USH2A: variants seen among roughly 807,000 people sequenced by gnomAD.
USH2A encodes the protein usherin.
USH2A carries 443 observed loss-of-function variants against 538.9 expected under a neutral mutation model. That is an observed-to-expected ratio of 0.82 (90% confidence interval 0.76 to 0.89). The LOEUF is 0.89. USH2A is among the 40% of genes least tolerant of loss of function. USH2A has a pLI of 0.00. For missense variants in USH2A, 6,633 were observed against 6,324.8 expected, an observed-to-expected ratio of 1.05 and a Z score of -1.65; for synonymous variants, 2,413 against 2,273.5, an observed-to-expected ratio of 1.06 and a Z score of -1.75.
chr1:216,230,347 A>T (rs975121733), intron 14 of USH2A, among the ~76,000 whole-genome samples: 1 of 152,144 alleles, frequency 6.6e-6, no homozygotes, highest in East Asian at 1.9e-4. Context: ...TTACTGTACC[A>T]TGCGCTTTGT....
At chr1:216,377,872 A>T (rs1020978340) in intron 3 of USH2A, among the ~76,000 whole-genome samples, 2 of 145,820 alleles carry the variant, frequency 1.4e-5, no homozygotes, top group Admixed American at 1.4e-4. Flanking sequence ...AGAAAGAAGG[A>T]AAGAAAGAAA....
At chr1:215,818,669 G>A (rs981937138) in intron 47 of USH2A, among the ~76,000 whole-genome samples, 3 of 151,750 alleles carry the variant, frequency 2.0e-5, no homozygotes, top group Non-Finnish European at 4.4e-5. Flanking sequence ...TTCATTTGCT[G>A]TAGCAAATGA....
intron 21 of USH2A, among the ~76,000 whole-genome samples, chr1:216,121,765 G>A (rs558798768): frequency 6.6e-6 from 1 of 152,262 alleles, no homozygotes; most frequent in South Asian, 2.1e-4. Context: ...TGAACAATCA[G>A]TTAGACTATT....
chr1:216,081,586 T>C (rs1415059666), intron 26 of USH2A, among the ~76,000 whole-genome samples: 1 of 151,894 alleles, frequency 6.6e-6, no homozygotes, highest in Non-Finnish European at 1.5e-5. Flanking sequence ...TATCTAAGTG[T>C]ATTGATTTTT....
At chr1:215,662,277 G>C (rs963997524) in intron 64 of USH2A, among the ~76,000 whole-genome samples, 1 of 152,194 alleles carries the variant, frequency 6.6e-6, no homozygotes, top group African/African-American at 2.4e-5. Context: ...CAGTTGAAGA[G>C]CATCTGTTGT....
chr1:216,327,712 A>T, intron 4 of USH2A, 58 bp from the exon 5 acceptor site: 4 of 1,574,760 alleles, frequency 2.5e-6, no homozygotes, highest in Non-Finnish European at 3.5e-6. Flanking sequence ...GCAATACCTG[A>T]CAAGTATTTA....
At chr1:216,052,694 G>A (rs1227617055) in intron 30 of USH2A, among the ~76,000 whole-genome samples, 1 of 152,146 alleles carries the variant, frequency 6.6e-6, no homozygotes, top group Non-Finnish European at 1.5e-5. Flanking sequence ...AAGGGCAAGG[G>A]GCTGGTCAAA....
rs878870284 is a variant in USH2A, at chr1:215,743,386, A to ATATGTGTG, written c.11390-52_11390-51insCACACATA. ...ACATTAAAAACATATATATATATAT[A>ATATGTGTG]TGTGTGTGTGTGTGTGTGTGTGTGT... On this transcript the variant is annotated intron_variant, in intron 58 of 71. Transcript: ENST00000307340. 9.7e-3 allele frequency: 3,185 copies of ATATGTGTG among 328,070 alleles called. 80 individuals are homozygous for ATATGTGTG. Among genetic ancestry groups the ATATGTGTG allele is most frequent in the East Asian group, 0.065 (880 of 13,566 alleles). 20.3% of individuals were successfully genotyped at this position (328,070 alleles called of 1,614,324 possible). A position where few individuals can be genotyped will look rare whatever the true frequency, so the allele number is the denominator to read the frequency against.
At chr1:215,640,840 CA>C in intron 67 of USH2A, 106 bp from the exon 68 acceptor site, 9 of 715,314 alleles carry the variant, frequency 1.3e-5, no homozygotes, top group Non-Finnish European at 1.7e-5. Flanking sequence ...CGAACCAATC[CA>C]AACAAAAAAA....
At chr1:215,809,921 G>A (rs1273127744) in intron 49 of USH2A, among the ~76,000 whole-genome samples, 3 of 152,114 alleles carry the variant, frequency 2.0e-5, no homozygotes, top group African/African-American at 4.8e-5. Flanking sequence ...GGACCATTGC[G>A]CTTTTTTCCC....
rs374383810 is a variant in USH2A, at chr1:216,223,109, A to G, written c.2994-5559T>C. On this transcript the variant is annotated intron_variant, in intron 14 of 71. Coordinates refer to ENST00000307340, the MANE Select transcript of USH2A (RefSeq NM_206933.4). Reference sequence around the variant, plus strand: ...TTTTAGCCTAGTGAAACTCATTTAGAGCCTCTGATTTCCAGAACTATAAGA... The same window carrying G: ...TTTTAGCCTAGTGAAACTCATTTAGGGCCTCTGATTTCCAGAACTATAAGA... Among the ~76,000 whole-genome samples the G allele has an allele frequency of 3.3e-5, 5 of 152,014 alleles. No homozygotes were observed. In the East Asian group the frequency reaches 9.7e-4, roughly 29 times the overall value.
At chr1:215,989,520 C>A (rs1667955786) in intron 35 of USH2A, among the ~76,000 whole-genome samples, 1 of 152,098 alleles carries the variant, frequency 6.6e-6, no homozygotes, top group Admixed American at 6.6e-5. Flanking sequence ...AGTGAAGGAA[C>A]CTAGTAGGTC....
intron 9 of USH2A, among the ~76,000 whole-genome samples, chr1:216,301,602 C>T (rs1023000428): frequency 1.3e-5 from 2 of 152,046 alleles, no homozygotes; most frequent in African/African-American, 4.8e-5. Context: ...CCCTAGAAAC[C>T]AAAAGATGTA....
chr1:216,246,819 G>A lies in USH2A; in HGVS notation c.2575C>T (p.Leu859=). ...TGTCCTGTTGATTTGTTACACAGCA[G>A]AGAGCCATTTATTGTCCCAGTCTTA... ...CDKTGTINGS[L]LCNKSTGQCP... is the part of the protein sequence containing the mutation. Residue 859 remains leucine (L), a synonymous_variant, in exon 13 of 72, where the codon CTG becomes TTG. Coordinates refer to ENST00000307340, the MANE Select transcript of USH2A (RefSeq NM_206933.4). 6.2e-7 allele frequency: 1 copy of A among 1,614,168 alleles called. No individual in the cohort carries two copies. Among genetic ancestry groups the A allele is most frequent in the Non-Finnish European group, 8.5e-7 (1 of 1,179,996 alleles).
At chr1:215,771,255 A>C (rs1661275323) in intron 55 of USH2A, among the ~76,000 whole-genome samples, 1 of 151,944 alleles carries the variant, frequency 6.6e-6, no homozygotes, top group Non-Finnish European at 1.5e-5. Flanking sequence ...CGATGACATA[A>C]ATAGCTCAAA....
At chr1:216,030,115 G>T (rs34321074) in intron 32 of USH2A, among the ~76,000 whole-genome samples, 1 of 95,394 alleles carries the variant, frequency 1.0e-5, no homozygotes, top group Non-Finnish European at 2.3e-5. Context: ...ATAATATATG[G>T]TATATATGAT....
At chr1:216,240,013 C>CAAAAAAAAAAAAAAAAAAATAAAAAAAAA (rs2035905167) in intron 13 of USH2A, among the ~76,000 whole-genome samples, 1 of 112,282 alleles carries the variant, frequency 8.9e-6, no homozygotes, top group East Asian at 2.7e-4. Flanking sequence ...ATGAAATAAA[C>CAAAAAAAAAAAAAAAAAAATAAAAAAAAA]AAAAAAAAAA....
At chr1:216,411,931 T>C (rs2102774360) in intron 3 of USH2A, among the ~76,000 whole-genome samples, 1 of 152,294 alleles carries the variant, frequency 6.6e-6, no homozygotes, top group Non-Finnish European at 1.5e-5. Context: ...AGGAAGCTTT[T>C]CTTGACTTCA....
Position 216,422,311 on chromosome 1 carries a change from C to T in USH2A, c.26G>A (p.Gly9Asp), listed in dbSNP as rs2102789288. The change falls in exon 2 of 72, where the codon GGC becomes GAC. Residue 9 changes from glycine (G) to aspartate (D), a missense_variant. Coordinates refer to ENST00000307340, the MANE Select transcript of USH2A (RefSeq NM_206933.4). MNCPVLSL[G>D]SGFLFQVIEM... ...AATGACCTGAAACAAGAAGCCAGAG[C>T]CCAATGAAAGAACTGGGCAATTCAT... The T allele has an allele frequency of 6.2e-7, 1 of 1,613,776 alleles. No homozygotes were observed. The highest frequency in any genetic ancestry group is 1.7e-5 in the Admixed American group (1 of 59,950).
Sources: allele counts gnomAD v4.1 joint callset (sites outside exome capture counted in the v4.1 genomes callset), GRCh38; gene constraint gnomAD v4.1.1; transcripts MANE v1.5; gene names NCBI Gene and HGNC (gene_info 2026-07-23, HGNC 2026-07-21).